PLEKHH2: variants seen among roughly 807,000 people sequenced by gnomAD.
PLEKHH2 encodes the protein pleckstrin homology domain-containing family H member 2.
A neutral mutation model predicts 187.9 loss-of-function variants in PLEKHH2; 129 were observed. That is an observed-to-expected ratio of 0.69 (90% CI 0.59 to 0.79). PLEKHH2 has a LOEUF of 0.79. PLEKHH2 is among the 30% of genes least tolerant of loss of function. The pLI, the probability that PLEKHH2 is intolerant of heterozygous loss-of-function variation, is 0.00. For synonymous variants in PLEKHH2, 686 were observed against 605.6 expected (o/e 1.13, Z -1.95); for missense variants, 2,076 against 1,751.2 (o/e 1.19, Z -3.31).
At chr2:43,678,179 T>TC (rs1161235634) in intron 2 of PLEKHH2, among the ~76,000 whole-genome samples, 9 of 149,764 alleles carry the variant, frequency 6.0e-5, no homozygotes, top group African/African-American at 2.2e-4. Flanking sequence ...GCTCCTCACT[T>TC]CCTAGATGGG....
Position 43,710,090 on chromosome 2 carries a change from A to C in PLEKHH2, c.2067A>C (p.Pro689=), listed in dbSNP as rs1392230679. 1.2e-6 allele frequency: 2 copies of C among 1,612,928 alleles called. No individual in the cohort carries two copies. Among genetic ancestry groups the C allele is most frequent in the Non-Finnish European group, 1.7e-6 (2 of 1,179,606 alleles). Residue 689 remains proline (P), a synonymous_variant, in exon 12 of 30, where the codon CCA becomes CCC. Coordinates refer to ENST00000282406, the MANE Select transcript of PLEKHH2 (RefSeq NM_172069.4). ...TEYSQPEQKL[P]KTCSSSSDNG... is the part of the protein sequence containing the mutation. ...ACTCACAGCCAGAGCAGAAGCTCCC[A>C]AAAACTTGCTCATCTTCCAGTGATA...
At position 43,765,704 on chromosome 2, in the gene PLEKHH2, T is replaced by C; in HGVS notation, c.*106T>C. On this transcript the variant is annotated 3_prime_UTR_variant, in exon 30 of 30. Coordinates refer to ENST00000282406, the MANE Select transcript of PLEKHH2 (RefSeq NM_172069.4). ...CAGCACGGCAGCCACACACCGGTAT[T>C]CCAAACCTTAACAATGAAGGGGGTT... 9.5e-7 allele frequency: 1 copy of C among 1,052,904 alleles called. No homozygotes were observed. Among genetic ancestry groups the C allele is most frequent in the African/African-American group, 1.6e-5 (1 of 62,192 alleles). 65.2% of individuals were successfully genotyped at this position (1,052,904 alleles called of 1,614,324 possible).
Position 43,738,482 on chromosome 2 carries a change from A to G in PLEKHH2, c.3085A>G (p.Arg1029Gly), listed in dbSNP as rs769019583. 2 of 1,613,602 alleles carry G rather than the reference A, an allele frequency of 1.2e-6. No individual in the cohort carries two copies. Among genetic ancestry groups the G allele is most frequent in the Admixed American group, 1.7e-5 (1 of 59,988 alleles). ...TTGCTGTCAGCTTATTAAACAGACA[A>G]GACGAAGACAGCCACAGAATCAACC... is the stretch of plus-strand genomic sequence containing the variant. ...EICCQLIKQT[R>G]RRQPQNQPGP... The change falls in exon 20 of 30, where the codon AGA (arginine) becomes GGA (glycine). Residue 1029 changes from arginine (R) to glycine (G), a missense_variant. By Grantham distance (125) the Arg-to-Gly change is moderately radical (BLOSUM62 -2). Coordinates refer to ENST00000282406, the MANE Select transcript of PLEKHH2 (RefSeq NM_172069.4).
chr2:43,704,196 A>T, intron 9 of PLEKHH2, 140 bp downstream of exon 9: 1 of 585,350 alleles, frequency 1.7e-6, no homozygotes, highest in Non-Finnish European at 2.9e-6. Flanking sequence ...AAAGGGTCAA[A>T]TTCATAGGAA....
intron 3 of PLEKHH2, among the ~76,000 whole-genome samples, chr2:43,691,090 C>T (rs1301733435): frequency 6.6e-6 from 1 of 152,224 alleles, no homozygotes; most frequent in Admixed American, 6.5e-5. Flanking sequence ...ACCACTCAAC[C>T]TCCAGCCACA....
At chr2:43,689,067 A>G (rs1200368163) in intron 3 of PLEKHH2, among the ~76,000 whole-genome samples, 1 of 152,190 alleles carries the variant, frequency 6.6e-6, no homozygotes, top group Non-Finnish European at 1.5e-5. Context: ...GTGTGGCCCA[A>G]GATCTCACTT....
chr2:43,762,593 A>G (rs777730881), intron 28 of PLEKHH2, among the ~76,000 whole-genome samples: 1 of 152,206 alleles, frequency 6.6e-6, no homozygotes, highest in Non-Finnish European at 1.5e-5. Context: ...CAGGTCGTTT[A>G]TTGTGTATGA....
intron 18 of PLEKHH2, 30 bp from the exon 19 acceptor site, chr2:43,731,460 T>C (rs368380065): frequency 5.1e-5 from 72 of 1,415,408 alleles, no homozygotes; most frequent in Non-Finnish European, 6.7e-5. Context: ...GTTTATTCAG[T>C]TTTCTGTTCA....
At chr2:43,743,395 G>T (rs1671653797) in intron 22 of PLEKHH2, among the ~76,000 whole-genome samples, 1 of 152,118 alleles carries the variant, frequency 6.6e-6, no homozygotes, top group African/African-American at 2.4e-5. Flanking sequence ...GTAGCCATAT[G>T]CCTTTTATCA....
chr2:43,697,848 CTT>C (rs1234453837), intron 7 of PLEKHH2, among the ~76,000 whole-genome samples: 2 of 152,094 alleles, frequency 1.3e-5, no homozygotes, highest in Non-Finnish European at 2.9e-5. Context: ...ATTGATAACT[CTT>C]TGATTTTCCT....
intron 3 of PLEKHH2, among the ~76,000 whole-genome samples, chr2:43,683,459 T>C (rs962240033): frequency 6.6e-6 from 1 of 152,074 alleles, no homozygotes; most frequent in African/African-American, 2.4e-5. Flanking sequence ...TTGTTTTTAA[T>C]AGTTAGTTTG....
At position 43,700,446 on chromosome 2, in the gene PLEKHH2, T is replaced by C. The variant is rs17031300; in HGVS notation, c.1488T>C (p.Ser496=). 8.3e-3 allele frequency: 13,336 copies of C among 1,614,040 alleles called. 1,006 individuals are homozygous for C. In the African/African-American group the frequency reaches 0.16, roughly 19 times the overall value. Residue 496 remains serine (S), a synonymous_variant, in exon 8 of 30, where the codon AGT becomes AGC. Transcript: ENST00000282406. ...ETDLDLVDGD[S]TEVLENMDTS... ...ATCTTGATCTAGTTGATGGAGACAGTACAGAAGTTTTAGAGAATATGGACA... is the reference window on the plus strand; with the variant it reads ...ATCTTGATCTAGTTGATGGAGACAGCACAGAAGTTTTAGAGAATATGGACA...
intron 14 of PLEKHH2, chr2:43,711,312 A>G: frequency 1.0e-6 from 1 of 985,470 alleles, no homozygotes; most frequent in Non-Finnish European, 1.2e-6. Context: ...TCAAAAATTT[A>G]GAAAGGAGAA....
rs1668948575 is a variant in PLEKHH2 at position 43,693,723 on chromosome 2, C to CAAAAAACAAAAAAA, written c.337-702_337-701insCAAAAAAAAAAAAA. 2.9e-5 allele frequency among the ~76,000 whole-genome samples: 2 copies of CAAAAAACAAAAAAA among 69,708 alleles called. 1 individual carries two copies. The highest frequency in any genetic ancestry group is 1.3e-4 in the African/African-American group (2 of 15,084). 45.7% of individuals were successfully genotyped at this position (69,708 alleles called of 152,430 possible). A position where few individuals can be genotyped will look rare whatever the true frequency, so the allele number is the denominator to read the frequency against. ...TGGGCGACTGAGCGAGACTCCATCT[C>CAAAAAACAAAAAAA]AAAAAAAAAAAAAAAAAGGAAAAAA... On this transcript the variant is annotated intron_variant, in intron 4 of 29. Transcript: ENST00000282406.
chr2:43,648,435 C>G (rs571626128), intron 2 of PLEKHH2, among the ~76,000 whole-genome samples: 194 of 152,122 alleles, frequency 1.3e-3, no homozygotes, highest in African/African-American at 4.3e-3. Context: ...GATCCGCCCG[C>G]CTTAGCCTCC....
chr2:43,746,949 G>A (rs577080758), intron 24 of PLEKHH2, among the ~76,000 whole-genome samples: 2 of 151,158 alleles, frequency 1.3e-5, no homozygotes, highest in South Asian at 4.2e-4. Context: ...CAGCCTGGAC[G>A]ACAAAGCGAG....
chr2:43,707,958 A>G (rs1369896247), intron 11 of PLEKHH2, among the ~76,000 whole-genome samples: 3 of 152,230 alleles, frequency 2.0e-5, no homozygotes, highest in Admixed American at 6.5e-5. Flanking sequence ...TTTACTTGGA[A>G]TATGTCTATG....
intron 2 of PLEKHH2, among the ~76,000 whole-genome samples, chr2:43,650,371 G>C (rs1275308448): frequency 6.6e-6 from 1 of 151,762 alleles, no homozygotes; most frequent in East Asian, 1.9e-4. Flanking sequence ...AACCTTAACT[G>C]ATCTGCCCAC....
chr2:43,705,717 G>T (rs765700619), intron 9 of PLEKHH2, among the ~76,000 whole-genome samples: 15 of 152,034 alleles, frequency 9.9e-5, no homozygotes, highest in Non-Finnish European at 1.9e-4. Flanking sequence ...CCCTTCCCAG[G>T]TTCAAGCAAT....
Sources: gnomAD v4.1 joint callset for allele counts (sites outside exome capture counted in the v4.1 genomes callset) on GRCh38, gnomAD v4.1.1 for gene constraint, MANE v1.5 for transcripts, NCBI Gene and HGNC (gene_info 2026-07-23, HGNC 2026-07-21) for gene names.